The following SHQ1 variants were observed in gnomAD, a reference collection of about 807,000 sequenced individuals.
SHQ1 encodes the protein protein SHQ1 homolog.
A neutral mutation model predicts 53.8 loss-of-function variants in SHQ1; 49 were observed. The ratio of observed to expected loss-of-function variants is 0.91; its 90% CI spans 0.72 to 1.16. The LOEUF (loss-of-function observed/expected upper bound fraction) is 1.16, where lower values mean the gene tolerates loss of function less well. SHQ1 is among the 50% of genes most tolerant of loss of function. The pLI is 0.00. For synonymous variants in SHQ1, 243 were observed against 251.0 expected, an observed-to-expected ratio of 0.97 and a Z score of 0.30; for missense variants, 738 against 683.1, an observed-to-expected ratio of 1.08 and a Z score of -0.90.
At chr3:72,754,415 C>G (rs1466326806) in intron 10 of SHQ1, among the ~76,000 whole-genome samples, 1 of 149,952 alleles carries the variant, frequency 6.7e-6, no homozygotes, top group African/African-American at 2.5e-5. Context: ...GATTTTCACT[C>G]TCGTTGCCCA....
intron 10 of SHQ1, among the ~76,000 whole-genome samples, chr3:72,790,287 T>G (rs1159517258): frequency 6.6e-6 from 1 of 152,228 alleles, no homozygotes. Context: ...ACTTCATCGA[T>G]TCAATGTAAG....
chr3:72,754,082 A>C (rs1705448186), intron 10 of SHQ1, among the ~76,000 whole-genome samples: 1 of 152,224 alleles, frequency 6.6e-6, no homozygotes, highest in African/African-American at 2.4e-5. Context: ...CTGACTATAT[A>C]TCTCATTTTA....
At chr3:72,770,717 G>T (rs1301169804) in intron 10 of SHQ1, among the ~76,000 whole-genome samples, 1 of 152,178 alleles carries the variant, frequency 6.6e-6, no homozygotes, top group African/African-American at 2.4e-5. Context: ...AATACACCTA[G>T]CCTCGAATAT....
chr3:72,769,345 C>T (rs747756182), intron 10 of SHQ1, among the ~76,000 whole-genome samples: 2 of 152,204 alleles, frequency 1.3e-5, no homozygotes, highest in Non-Finnish European at 2.9e-5. Flanking sequence ...TCTTTAAAAA[C>T]TCACTGAGAG....
chr3:72,753,138 A>C, intron 10 of SHQ1: 1 of 985,412 alleles, frequency 1.0e-6, no homozygotes, highest in Non-Finnish European at 1.2e-6. Context: ...GGGAAATCTG[A>C]TGTGACAACT....
In SHQ1 at chr3:72,848,141, T is replaced by C. The variant is rs1417180855; in HGVS notation, c.143+57A>G. 13 of 1,606,192 alleles carry C rather than the reference T, an allele frequency of 8.1e-6. No homozygotes were observed. In the East Asian group the frequency reaches 2.9e-4, roughly 36 times the overall value. On this transcript the variant is annotated intron_variant, in intron 1 of 10. Coordinates refer to ENST00000325599, the MANE Select transcript of SHQ1 (RefSeq NM_018130.3). ...TGCTCTCTCGACCTTGCATTCTCCCTCTAAAGCAGCTATCTAACGAATGCG... is the reference window on the plus strand; with the variant it reads ...TGCTCTCTCGACCTTGCATTCTCCCCCTAAAGCAGCTATCTAACGAATGCG...
rs1705878694 is a variant in SHQ1 at position 72,772,586 on chromosome 3, T to C, written c.1181+20330A>G. On this transcript the variant is annotated intron_variant, in intron 10 of 10. Transcript: ENST00000325599. Reference sequence around the variant, plus strand: ...GCAATTTATCCAGAACCATTTTTGATTAAACTAAAAAACATTTTCTTAGGA... The same window carrying C: ...GCAATTTATCCAGAACCATTTTTGACTAAACTAAAAAACATTTTCTTAGGA... 1.6e-5 allele frequency: 11 copies of C among 702,206 alleles called. No homozygotes were observed. In the Admixed American group the frequency reaches 2.0e-4, roughly 13 times the overall value. 43.5% of individuals were successfully genotyped at this position (702,206 alleles called of 1,614,324 possible).
intron 6 of SHQ1, 70 bp from the exon 7 acceptor site, chr3:72,817,454 C>T: frequency 7.2e-7 from 1 of 1,397,062 alleles, no homozygotes; most frequent in South Asian, 1.4e-5. Context: ...GAAGATTTGT[C>T]AAAATTAGAA....
intron 9 of SHQ1, among the ~76,000 whole-genome samples, chr3:72,809,122 C>T (rs1465211995): frequency 2.6e-5 from 4 of 151,894 alleles, no homozygotes; most frequent in Non-Finnish European, 5.9e-5. Flanking sequence ...TGGTGTCTGG[C>T]TTCCATTAAG....
At chr3:72,780,644 G>A (rs1040164861) in intron 10 of SHQ1, among the ~76,000 whole-genome samples, 1 of 152,172 alleles carries the variant, frequency 6.6e-6, no homozygotes, top group African/African-American at 2.4e-5. Context: ...CATCTTTGGG[G>A]GTGTAAATGC....
chr3:72,808,852 C>G (rs185404536), intron 9 of SHQ1, among the ~76,000 whole-genome samples: 9 of 152,076 alleles, frequency 5.9e-5, no homozygotes, highest in African/African-American at 2.2e-4. Context: ...TAAAGAGATG[C>G]TAACCTCTCT....
At chr3:72,731,875 A>G in the SHQ1 span, among the ~76,000 whole-genome samples, 1 of 151,392 alleles carries the variant, frequency 6.6e-6, no homozygotes, top group African/African-American at 2.4e-5. Flanking sequence ...TGTGCCAGTT[A>G]TGGGGGCTAC....
the SHQ1 span, among the ~76,000 whole-genome samples, chr3:72,743,816 C>A: frequency 6.6e-6 from 1 of 152,108 alleles, no homozygotes; most frequent in South Asian, 2.1e-4. Context: ...ATATTTACCC[C>A]ACAGGGAGCA....
At chr3:72,828,667 C>T (rs1249447725) in intron 5 of SHQ1, among the ~76,000 whole-genome samples, 7 of 151,982 alleles carry the variant, frequency 4.6e-5, no homozygotes, top group Admixed American at 2.6e-4. Flanking sequence ...TGCACTCCAG[C>T]CTGGGCGACA....
At chr3:72,792,399 T>C (rs1706466548) in intron 10 of SHQ1, among the ~76,000 whole-genome samples, 2 of 152,242 alleles carry the variant, frequency 1.3e-5, no homozygotes, top group African/African-American at 2.4e-5. Context: ...TTACCATCTG[T>C]GTACCTCCTT....
At chr3:72,841,423 G>A (rs981410434) in intron 3 of SHQ1, among the ~76,000 whole-genome samples, 9 of 151,028 alleles carry the variant, frequency 6.0e-5, no homozygotes, top group African/African-American at 1.9e-4. Context: ...GAAAGCAAAC[G>A]AATCTCAGCT....
intron 1 of SHQ1, chr3:72,846,376 C>T: frequency 2.1e-6 from 3 of 1,408,012 alleles, no homozygotes; most frequent in Middle Eastern, 2.5e-4. Context: ...CTCACTGCAA[C>T]CTTCGCCCCC....
chr3:72,826,432 G>A (rs1456811948), intron 5 of SHQ1, among the ~76,000 whole-genome samples: 2 of 152,160 alleles, frequency 1.3e-5, no homozygotes, highest in Non-Finnish European at 2.9e-5. Flanking sequence ...AACAATAAAT[G>A]GCTAAAATGC....
chr3:72,816,305 T>C (rs150953360), intron 7 of SHQ1, among the ~76,000 whole-genome samples: 16 of 152,198 alleles, frequency 1.1e-4, no homozygotes, highest in African/African-American at 3.4e-4. Flanking sequence ...AGATTGGAAA[T>C]AGATACATCA....
Sources: gnomAD v4.1 joint callset for allele counts (sites outside exome capture counted in the v4.1 genomes callset) on GRCh38, gnomAD v4.1.1 for gene constraint, MANE v1.5 for transcripts, NCBI Gene and HGNC (gene_info 2026-07-23, HGNC 2026-07-21) for gene names.